RGL3: variants seen among roughly 807,000 people sequenced by gnomAD.
RGL3 encodes ral guanine nucleotide dissociation stimulator-like 3.
Under a neutral mutation model 90.6 loss-of-function variants are expected in RGL3, and 85 were observed. That is an observed-to-expected ratio of 0.94 (90% CI 0.79 to 1.12). The LOEUF (loss-of-function observed/expected upper bound fraction) is 1.12. Ranked by LOEUF, RGL3 falls within the 50% of genes most tolerant of loss-of-function variation. The pLI is 0.00. For missense variants in RGL3, 1,034 were observed against 939.2 expected (o/e 1.10, Z -1.32); for synonymous variants, 408 against 385.5 (o/e 1.06, Z -0.68).
At chr19:11,406,889 C>T (rs2144728955) in intron 5 of RGL3, 25 bp from the exon 6 acceptor site, 3 of 1,595,986 alleles carry the variant, frequency 1.9e-6, no homozygotes, top group Non-Finnish European at 2.6e-6. Flanking sequence ...GGGTTACAAA[C>T]TCTCAAGTTT....
intron 5 of RGL3, among the ~76,000 whole-genome samples, chr19:11,407,249 G>A (rs1968800688): frequency 6.6e-6 from 1 of 152,084 alleles, no homozygotes; most frequent in Non-Finnish European, 1.5e-5. Context: ...GCCTCCCAAA[G>A]TGCTGGCATT....
Position 11,418,740 on chromosome 19 carries a change from C to G in RGL3, c.78G>C (p.Val26=), listed in dbSNP as rs1489881516. Residue 26 remains valine, a synonymous_variant, in exon 2 of 19, where the codon GTG becomes GTC. Transcript: ENST00000380456. Reference sequence around the variant, plus strand: ...GCTGCCGCCGCAGGGAGACACTGTACACCGCGCCGTCCTCGGTCTCTTCAC... The same window carrying G: ...GCTGCCGCCGCAGGGAGACACTGTAGACCGCGCCGTCCTCGGTCTCTTCAC... ...DWGEETEDGA[V]YSVSLRRQRS... is the part of the protein sequence containing the mutation. 1 of 1,576,982 alleles carries G rather than the reference C, an allele frequency of 6.3e-7. No individual in the cohort carries two copies. Among genetic ancestry groups the G allele is most frequent in the African/African-American group, 1.3e-5 (1 of 74,482 alleles).
In RGL3 at chr19:11,406,472, A is replaced by G; in HGVS notation, c.943T>C (p.Leu315=). 1 of 1,552,924 alleles carries G rather than the reference A, an allele frequency of 6.4e-7. No homozygotes were observed. The highest frequency in any genetic ancestry group is 8.7e-7 in the Non-Finnish European group (1 of 1,151,996). Reference sequence around the variant, plus strand: ...CGCTGCGCCCTCTGCGGGGCGGCCAAGCCCGGTGCTCCGAGCACGGAACCC... The same window carrying G: ...CGCTGCGCCCTCTGCGGGGCGGCCAGGCCCGGTGCTCCGAGCACGGAACCC... ...VLGSVLGAPG[L]AAPQRAQRLE... Residue 315 remains leucine (L), a synonymous_variant, in exon 7 of 19, where the codon TTG becomes CTG. Transcript: ENST00000380456.
At chr19:11,395,424 C>T (rs997085065) in intron 18 of RGL3, among the ~76,000 whole-genome samples, 11 of 152,146 alleles carry the variant, frequency 7.2e-5, no homozygotes, top group Non-Finnish European at 1.3e-4. Context: ...CATGCTTCCG[C>T]GGCTATCCAT....
At position 11,416,048 on chromosome 19, in the gene RGL3, C is replaced by T. The variant is rs1201999926; in HGVS notation, c.526G>A (p.Gly176Ser). ...TCAGCACTCCCTGGGGCCGCCCAGC[C>T]CAGAAAGGTTCGGACACTGCCCAGG... ...SDLGSVRTFLGWAAPGSAEAQ... is the reference protein window; with the variant it reads ...SDLGSVRTFLSWAAPGSAEAQ... The change falls in exon 5 of 19, where the codon GGC becomes AGC. Residue 176 changes from glycine to serine, a missense_variant. Physicochemically the swap from Gly to Ser is moderately conservative, Grantham distance 56. Transcript: ENST00000380456. 1 of 1,613,782 alleles carries T rather than the reference C, an allele frequency of 6.2e-7. No homozygotes were observed. Among genetic ancestry groups the T allele is most frequent in the South Asian group, 1.1e-5 (1 of 91,046 alleles).
intron 9 of RGL3, among the ~76,000 whole-genome samples, chr19:11,404,580 CAACA>C (rs1417988018): frequency 1.3e-5 from 2 of 152,006 alleles, no homozygotes; most frequent in Non-Finnish European, 2.9e-5. Flanking sequence ...ACAACAACAA[CAACA>C]AAAAACCAGA....
rs372340007 is a variant in RGL3, at chr19:11,394,354, G to A, written c.*48C>T. The A allele has an allele frequency of 3.9e-4, 562 of 1,450,846 alleles. No individual in the cohort carries two copies. The highest frequency in any genetic ancestry group is 5.0e-4 in the Non-Finnish European group (511 of 1,031,950). 89.9% of individuals were successfully genotyped at this position (1,450,846 alleles called of 1,614,324 possible). A position where few individuals can be genotyped will look rare whatever the true frequency, so the allele number is the denominator to read the frequency against. On this transcript the variant is annotated 3_prime_UTR_variant, in exon 19 of 19. Transcript: ENST00000380456. ...ATGGCAGCTTTCCAGGAGAAGAGTCGCAAGCTTGCCTGTGGGACTTGTGTC... is the reference window on the plus strand; with the variant it reads ...ATGGCAGCTTTCCAGGAGAAGAGTCACAAGCTTGCCTGTGGGACTTGTGTC...
At chr19:11,418,251 G>GA (rs1969038542) in intron 2 of RGL3, among the ~76,000 whole-genome samples, 1 of 23,894 alleles carries the variant, frequency 4.2e-5, no homozygotes, top group African/African-American at 1.8e-4. Context: ...CCACCCCCCC[G>GA]CCCCCGCCCC....
rs117608091 is a variant in RGL3, at chr19:11,400,283, C to G, written c.1499G>C (p.Arg500Pro). The G allele has an allele frequency of 6.3e-7, 1 of 1,587,272 alleles. No individual in the cohort carries two copies. The highest frequency in any genetic ancestry group is 1.1e-5 in the South Asian group (1 of 87,500). ...GGAGGCAGCTGGTGGCTCAATGACC[C>G]GGGAGAGCCGGTAGCTGAGGGGTCA... is the stretch of plus-strand genomic sequence containing the variant. ...LTEEQSYRLS[R>P]VIEPPAASCP... Residue 500 changes from arginine to proline, a missense_variant, in exon 14 of 19, where the codon CGG becomes CCG. Physicochemically the swap from Arg to Pro is moderately radical, Grantham distance 103. Coordinates refer to ENST00000380456, the MANE Select transcript of RGL3 (RefSeq NM_001035223.4).
chr19:11,410,990 C>T (rs1231717577), intron 5 of RGL3, among the ~76,000 whole-genome samples: 1 of 151,928 alleles, frequency 6.6e-6, no homozygotes, highest in East Asian at 1.9e-4. Flanking sequence ...GGGCAGATCA[C>T]TAAAGGTTAG....
chr19:11,415,713 G>A (rs1968980405), intron 5 of RGL3, among the ~76,000 whole-genome samples: 1 of 151,602 alleles, frequency 6.6e-6, no homozygotes, highest in Non-Finnish European at 1.5e-5. Context: ...GACCTCAGGT[G>A]ATACACCATC....
chr19:11,417,100 T>C, intron 2 of RGL3, 41 bp from the exon 3 acceptor site: 1 of 1,449,934 alleles, frequency 6.9e-7, no homozygotes, highest in South Asian at 1.3e-5. Flanking sequence ...GCAGGAGTGG[T>C]CCTCACAGCA....
intron 2 of RGL3, 46 bp from the exon 3 acceptor site, chr19:11,417,105 A>C (rs116947576): frequency 1.4e-6 from 2 of 1,397,848 alleles, no homozygotes; most frequent in Non-Finnish European, 2.0e-6. Flanking sequence ...AGTGGTCCTC[A>C]CAGCACCCCT....
In RGL3 at chr19:11,394,538, T is replaced by C; in HGVS notation, c.2015-18A>G. On this transcript the variant is annotated intron_variant, in intron 18 of 18. Coordinates refer to ENST00000380456, the MANE Select transcript of RGL3 (RefSeq NM_001035223.4). ...CAGGAGCACTGGTCAGGAGTGGAGA[T>C]GGTGGTAATAGGCCCTCACAACCTT... The C allele has an allele frequency of 6.3e-7, 1 of 1,587,682 alleles. No homozygotes were observed. Among genetic ancestry groups the C allele is most frequent in the Non-Finnish European group, 8.6e-7 (1 of 1,156,296 alleles).
At chr19:11,403,818 C>T (rs1968723551) in intron 9 of RGL3, among the ~76,000 whole-genome samples, 2 of 152,020 alleles carry the variant, frequency 1.3e-5, no homozygotes, top group African/African-American at 2.4e-5. Context: ...TTGTCCGCAG[C>T]TGGATGGCAC....
At chr19:11,413,393 G>T (rs765805930) in intron 5 of RGL3, among the ~76,000 whole-genome samples, 3 of 151,684 alleles carry the variant, frequency 2.0e-5, no homozygotes, top group Non-Finnish European at 4.4e-5. Flanking sequence ...AAATTAGCTG[G>T]GTGTGGTGGC....
intron 16 of RGL3, 115 bp downstream of exon 16, chr19:11,399,740 T>A: frequency 1.7e-6 from 1 of 580,416 alleles, no homozygotes; most frequent in East Asian, 3.3e-5. Flanking sequence ...GTGCCTCCTG[T>A]ATACACTCCT....
rs759976188 is a variant in RGL3 at position 11,400,304 on chromosome 19, G to T, written c.1485-7C>A. 1 of 1,572,754 alleles carries T rather than the reference G, an allele frequency of 6.4e-7. No individual in the cohort carries two copies. Among genetic ancestry groups the T allele is most frequent in the Non-Finnish European group, 8.6e-7 (1 of 1,159,230 alleles). ...GACCCGGGAGAGCCGGTAGCTGAGG[G>T]GTCAATATGTGGATGAGGTGGTGGG... is the stretch of plus-strand genomic sequence containing the variant. On this transcript the variant is annotated splice_polypyrimidine_tract_variant and splice_region_variant and intron_variant, in intron 13 of 18. Transcript: ENST00000380456.
chr19:11,419,106 C>A (rs1158465823), intron 1 of RGL3, 140 bp downstream of exon 1: 1 of 911,654 alleles, frequency 1.1e-6, no homozygotes, highest in South Asian at 1.7e-5. Flanking sequence ...TTCACTGGGT[C>A]AAGGGCCGCG....
Sources: allele counts gnomAD v4.1 joint callset (sites outside exome capture counted in the v4.1 genomes callset), GRCh38; gene constraint gnomAD v4.1.1; transcripts MANE v1.5; gene names NCBI Gene and HGNC (gene_info 2026-07-23, HGNC 2026-07-21).